The following CSMD1 variants were observed in gnomAD, a reference collection of about 807,000 sequenced individuals.
CSMD1 encodes CUB and Sushi multiple domains 1, also known as CUB and sushi domain-containing protein 1.
Under a neutral mutation model 417.5 loss-of-function variants are expected in CSMD1, and 213 were observed. That is an observed-to-expected ratio of 0.51 (90% CI 0.46 to 0.57). The LOEUF (loss-of-function observed/expected upper bound fraction) is 0.57, where lower values mean the gene tolerates loss of function less well. CSMD1 is among the 20% of genes least tolerant of loss of function. CSMD1 has a pLI of 0.00. For missense variants in CSMD1, 6,923 were observed against 4,529.7 expected (o/e 1.53, Z -15.17); for synonymous variants, 2,862 against 1,736.8 (o/e 1.65, Z -16.11).
chr8:3,759,516 T>C (rs1433327700), intron 5 of CSMD1, among the ~76,000 whole-genome samples: 2 of 151,872 alleles, frequency 1.3e-5, no homozygotes, highest in Non-Finnish European at 2.9e-5. Context: ...AATAAACAAA[T>C]AGTTTGGAAA....
At chr8:3,039,163 C>T (rs67846028) in intron 50 of CSMD1, among the ~76,000 whole-genome samples, 36,634 of 151,682 alleles carry the variant, frequency 0.24, 4,591 homozygotes, top group East Asian at 0.42. Context: ...AGCTGAATTA[C>T]AAGAAGGTAT....
intron 3 of CSMD1, among the ~76,000 whole-genome samples, chr8:4,149,422 T>A (rs577668765): frequency 1.3e-5 from 2 of 152,204 alleles, no homozygotes; most frequent in Admixed American, 1.3e-4. Context: ...TGAGCAATAT[T>A]TGAACGGTAT....
intron 5 of CSMD1, among the ~76,000 whole-genome samples, chr8:3,824,244 AC>A (rs1458735307): frequency 1.3e-5 from 2 of 150,752 alleles, no homozygotes; most frequent in African/African-American, 2.5e-5. Context: ...TTCCAAAAAA[AC>A]AAAAACCAAA....
intron 1 of CSMD1, among the ~76,000 whole-genome samples, chr8:4,983,682 C>T (rs548941077): frequency 9.9e-4 from 151 of 152,182 alleles, no homozygotes; most frequent in African/African-American, 3.4e-3. Flanking sequence ...GCCACCACAC[C>T]CAGCTAATTT....
At chr8:3,427,350 T>C (rs1337829564) in intron 12 of CSMD1, among the ~76,000 whole-genome samples, 1 of 152,200 alleles carries the variant, frequency 6.6e-6, no homozygotes, top group Non-Finnish European at 1.5e-5. Flanking sequence ...CTGATTTTTC[T>C]TCAAGTCAAA....
intron 1 of CSMD1, among the ~76,000 whole-genome samples, chr8:4,963,890 A>G (rs768679196): frequency 3.3e-5 from 5 of 152,270 alleles, no homozygotes; most frequent in Non-Finnish European, 2.9e-5. Context: ...CCACTTTCCA[A>G]TTCCTATCAA....
rs181220392 is a variant in CSMD1 at position 3,124,502 on chromosome 8, C to T, written c.6242-5915G>A. Among the ~76,000 whole-genome samples, 406 of 152,272 alleles carry T rather than the reference C, an allele frequency of 2.7e-3. 2 individuals carry two copies. The highest frequency in any genetic ancestry group is 4.6e-3 in the South Asian group (22 of 4,828). Reference sequence around the variant, plus strand: ...CAGATCAGGAAAAGACCAAGAAAGGCAGGCTTTTCAGCCAAAGGAAATAGT... The same window carrying T: ...CAGATCAGGAAAAGACCAAGAAAGGTAGGCTTTTCAGCCAAAGGAAATAGT... On this transcript the variant is annotated intron_variant, in intron 41 of 69. Transcript: ENST00000635120.
intron 5 of CSMD1, among the ~76,000 whole-genome samples, chr8:3,798,281 A>G (rs888468195): frequency 6.6e-6 from 1 of 151,932 alleles, no homozygotes; most frequent in South Asian, 2.1e-4. Context: ...TTATTTATCA[A>G]TGTTATTTCC....
Position 3,586,229 on chromosome 8 carries a change from C to A in CSMD1, c.1129G>T (p.Asp377Tyr), listed in dbSNP as rs757012519. Residue 377 changes from aspartate (D) to tyrosine (Y), a missense_variant, in exon 9 of 70, where the codon GAC becomes TAC. Asp to Tyr is a radical substitution (Grantham distance 160). Coordinates refer to ENST00000635120, the MANE Select transcript of CSMD1 (RefSeq NM_033225.6). The part of the protein sequence containing the change: ...VGANVQFSCE[D>Y]NYVLQGSKSI... ...TTAGATCCCTGGAGCACGTAATTGT[C>A]CTCACATGAAAACTGTACATTTGCA... is the stretch of plus-strand genomic sequence containing the variant. 2.5e-6 allele frequency: 4 copies of A among 1,611,906 alleles called. No homozygotes were observed. The highest frequency in any genetic ancestry group is 1.3e-5 in the African/African-American group (1 of 74,604).
intron 7 of CSMD1, among the ~76,000 whole-genome samples, chr8:3,623,380 G>C (rs987003195): frequency 4.6e-5 from 7 of 152,118 alleles, no homozygotes; most frequent in Non-Finnish European, 7.4e-5. Context: ...TATAGAAGTA[G>C]ATCAGGTGCC....
chr8:4,047,292 G>T (rs573987779), intron 3 of CSMD1, among the ~76,000 whole-genome samples: 2 of 152,138 alleles, frequency 1.3e-5, no homozygotes, highest in Non-Finnish European at 1.5e-5. Context: ...AGGGAGGAAG[G>T]AGAGAGACAT....
chr8:4,347,953 C>A (rs755110586), intron 3 of CSMD1, among the ~76,000 whole-genome samples: 1 of 151,928 alleles, frequency 6.6e-6, no homozygotes, highest in Non-Finnish European at 1.5e-5. Flanking sequence ...AATGGAGGCA[C>A]AGAAGAATTT....
At chr8:3,506,024 T>A (rs1227980873) in intron 10 of CSMD1, among the ~76,000 whole-genome samples, 1 of 152,186 alleles carries the variant, frequency 6.6e-6, no homozygotes, top group Non-Finnish European at 1.5e-5. Context: ...TATTAAACAA[T>A]ATAATTTAAC....
chr8:3,828,698 G>C (rs1212194787), intron 5 of CSMD1, among the ~76,000 whole-genome samples: 1 of 151,986 alleles, frequency 6.6e-6, no homozygotes, highest in Non-Finnish European at 1.5e-5. Context: ...GTTGCTTATT[G>C]GCCTCCCTAG....
intron 3 of CSMD1, among the ~76,000 whole-genome samples, chr8:4,361,462 T>G (rs1194769814): frequency 1.3e-5 from 2 of 152,092 alleles, no homozygotes; most frequent in East Asian, 1.9e-4. Flanking sequence ...TACAGCCTAA[T>G]AAGGTCGACA....
intron 3 of CSMD1, among the ~76,000 whole-genome samples, chr8:4,063,740 C>T (rs1218360420): frequency 6.6e-6 from 1 of 152,096 alleles, no homozygotes; most frequent in African/African-American, 2.4e-5. Context: ...ATGGGAAGTG[C>T]CTTTTATTTT....
At chr8:3,201,749 T>G in intron 31 of CSMD1, 24 bp from the exon 32 acceptor site, 1 of 1,400,660 alleles carries the variant, frequency 7.1e-7, no homozygotes, top group Non-Finnish European at 9.9e-7. Flanking sequence ...GGTGGGATGT[T>G]GGCACAAGAT....
At chr8:4,470,613 T>A (rs981165422) in intron 2 of CSMD1, among the ~76,000 whole-genome samples, 9 of 152,216 alleles carry the variant, frequency 5.9e-5, no homozygotes, top group African/African-American at 1.9e-4. Flanking sequence ...TAAGAGCTCA[T>A]AAATGGCTTT....
intron 3 of CSMD1, among the ~76,000 whole-genome samples, chr8:4,113,457 T>G (rs968982048): frequency 7.7e-6 from 1 of 129,350 alleles, no homozygotes; most frequent in Non-Finnish European, 1.6e-5. Flanking sequence ...CAGGCTGGAC[T>G]GCAATGGTGC....
Sources: gnomAD v4.1 joint callset for allele counts (sites outside exome capture counted in the v4.1 genomes callset) on GRCh38, gnomAD v4.1.1 for gene constraint, MANE v1.5 for transcripts, NCBI Gene and HGNC (gene_info 2026-07-23, HGNC 2026-07-21) for gene names.